The following CCDC7 variants were observed in gnomAD, a reference collection of about 807,000 sequenced individuals.
CCDC7 encodes coiled-coil domain-containing protein 7.
A neutral mutation model predicts 196.9 loss-of-function variants in CCDC7; 183 were observed. The ratio of observed to expected loss-of-function variants is 0.93; its 90% CI spans 0.82 to 1.05. The LOEUF is 1.05. CCDC7 is among the 50% of genes least tolerant of loss of function. The pLI is 0.00. For missense variants in CCDC7, 1,540 were observed against 1,482.2 expected (o/e 1.04, Z -0.64); for synonymous variants, 525 against 484.6 (o/e 1.08, Z -1.10).
intron 28 of CCDC7, among the ~76,000 whole-genome samples, chr10:32,731,190 C>T (rs1408223789): frequency 6.6e-6 from 1 of 152,084 alleles, no homozygotes. Flanking sequence ...AAGGGATCAT[C>T]TCAGTCTCTA....
chr10:32,567,595 A>G (rs1007391262), intron 14 of CCDC7, 75 bp from the exon 16 acceptor site: 2 of 1,459,762 alleles, frequency 1.4e-6, no homozygotes, highest in South Asian at 1.4e-5. Context: ...AAATATATGT[A>G]GATTCCTGAA....
At chr10:32,821,443 C>T (rs1474028466) in intron 31 of CCDC7, among the ~76,000 whole-genome samples, 1 of 152,034 alleles carries the variant, frequency 6.6e-6, no homozygotes, top group Non-Finnish European at 1.5e-5. Context: ...ACCATTTGAC[C>T]CAGCCATCCC....
chr10:32,870,826 G>A (rs966677148), intron 41 of CCDC7, among the ~76,000 whole-genome samples: 6 of 152,094 alleles, frequency 3.9e-5, no homozygotes, highest in African/African-American at 7.2e-5. Context: ...TTTTGTCAAA[G>A]GCTTTTTCCG....
chr10:32,737,099 T>G (rs2084989487), intron 28 of CCDC7, among the ~76,000 whole-genome samples: 1 of 152,202 alleles, frequency 6.6e-6, no homozygotes, highest in Non-Finnish European at 1.5e-5. Flanking sequence ...AAATGATGTT[T>G]CTTCATTTCT....
chr10:32,806,034 G>C (rs1416664722), intron 30 of CCDC7, among the ~76,000 whole-genome samples: 1 of 152,148 alleles, frequency 6.6e-6, no homozygotes, highest in African/African-American at 2.4e-5. Flanking sequence ...GATCTCACAA[G>C]AACTCATATA....
chr10:32,649,129 G>T (rs893144480), intron 20 of CCDC7, among the ~76,000 whole-genome samples: 7 of 152,116 alleles, frequency 4.6e-5, no homozygotes, highest in African/African-American at 1.4e-4. Context: ...GGATACATGG[G>T]GGGATCAACA....
chr10:32,518,848 A>C (rs1411369493), intron 11 of CCDC7, among the ~76,000 whole-genome samples: 3 of 152,104 alleles, frequency 2.0e-5, no homozygotes, highest in African/African-American at 4.8e-5. Context: ...GTCCCAGTTC[A>C]TTATACCAAA....
chr10:32,651,154 G>A (rs1420949763), intron 20 of CCDC7, among the ~76,000 whole-genome samples: 1 of 152,136 alleles, frequency 6.6e-6, no homozygotes, highest in Non-Finnish European at 1.5e-5. Flanking sequence ...TCCCCTGCCA[G>A]CTCACACATC....
intron 39 of CCDC7, among the ~76,000 whole-genome samples, chr10:32,849,861 G>A (rs2093476538): frequency 2.0e-5 from 3 of 152,146 alleles, no homozygotes. Context: ...ACGCAGAACT[G>A]AAGGAGACCT....
intron 11 of CCDC7, among the ~76,000 whole-genome samples, chr10:32,525,705 A>T (rs1380674689): frequency 1.3e-5 from 2 of 152,196 alleles, no homozygotes; most frequent in Admixed American, 6.5e-5. Flanking sequence ...AAGACTTTTA[A>T]AGTATTTGAA....
intron 28 of CCDC7, among the ~76,000 whole-genome samples, chr10:32,770,247 G>A (rs1565453918): frequency 2.0e-5 from 3 of 152,102 alleles, no homozygotes; most frequent in South Asian, 2.1e-4. Flanking sequence ...TTTGATGTAG[G>A]CATTTAATGT....
chr10:32,756,971 A>G (rs1244174440), intron 28 of CCDC7, among the ~76,000 whole-genome samples: 2 of 152,244 alleles, frequency 1.3e-5, no homozygotes, highest in Non-Finnish European at 2.9e-5. Context: ...GATAAAACAG[A>G]CTTTAAACCA....
At chr10:32,698,464 T>G (rs537824720) in intron 24 of CCDC7, among the ~76,000 whole-genome samples, 1 of 152,052 alleles carries the variant, frequency 6.6e-6, no homozygotes, top group Non-Finnish European at 1.5e-5. Context: ...AAAAAAAGAT[T>G]AGAAGACTGG....
chr10:32,712,413 G>A (rs2080981351), intron 25 of CCDC7, among the ~76,000 whole-genome samples: 1 of 152,208 alleles, frequency 6.6e-6, no homozygotes, highest in African/African-American at 2.4e-5. Flanking sequence ...TTTCACTTGG[G>A]TTTTAGGTCC....
intron 21 of CCDC7, among the ~76,000 whole-genome samples, chr10:32,673,011 C>G (rs565646708): frequency 2.6e-5 from 4 of 152,022 alleles, no homozygotes; most frequent in Non-Finnish European, 5.9e-5. Flanking sequence ...TCATTCTTTT[C>G]CATGTGGATA....
intron 28 of CCDC7, among the ~76,000 whole-genome samples, chr10:32,753,525 C>G (rs1387724739): frequency 6.6e-6 from 1 of 152,082 alleles, no homozygotes; most frequent in Non-Finnish European, 1.5e-5. Context: ...TGCCTAAAGT[C>G]ACATCATTAC....
chr10:32,809,294 T>C (rs978200735), intron 30 of CCDC7, among the ~76,000 whole-genome samples: 1 of 151,784 alleles, frequency 6.6e-6, no homozygotes, highest in Non-Finnish European at 1.5e-5. Context: ...AGAAGCTCAA[T>C]GAGGTAGAAG....
chr10:32,853,618 A>G (rs1389697731), intron 40 of CCDC7, among the ~76,000 whole-genome samples: 1 of 152,166 alleles, frequency 6.6e-6, no homozygotes, highest in Non-Finnish European at 1.5e-5. Context: ...ACTAGTTTTA[A>G]TTATATAGTT....
chr10:32,445,282 C>G (rs1374205667), upstream of CCDC7, among the ~76,000 whole-genome samples: 1 of 152,018 alleles, frequency 6.6e-6, no homozygotes, highest in African/African-American at 2.4e-5. Context: ...ATGGAGCTAG[C>G]CTACACCAGC....
Sources: allele counts gnomAD v4.1 joint callset (sites outside exome capture counted in the v4.1 genomes callset), GRCh38; gene constraint gnomAD v4.1.1; transcripts MANE v1.5; gene names NCBI Gene and HGNC (gene_info 2026-07-23, HGNC 2026-07-21).